FBXO28: variants seen among roughly 807,000 people sequenced by gnomAD.
The protein encoded by FBXO28 is F-box protein 28, also known as F-box only protein 28.
FBXO28 carries 8 observed loss-of-function variants against 38.1 expected under a neutral mutation model. That is an observed-to-expected ratio of 0.21 (90% CI 0.12 to 0.38). The LOEUF is 0.38. Ranked by LOEUF, FBXO28 falls within the 10% of genes least tolerant of loss-of-function variation. The pLI is 1.00. For synonymous variants in FBXO28, 168 were observed against 173.8 expected (o/e 0.97, Z 0.26); for missense variants, 345 against 460.6 (o/e 0.75, Z 2.30).
rs1656582841 is a variant in FBXO28, at chr1:224,114,152, G to C, written c.23G>C (p.Arg8Pro). The C allele has an allele frequency of 2.6e-6, 4 of 1,544,508 alleles. No individual in the cohort carries two copies. The highest frequency in any genetic ancestry group is 3.5e-6 in the Non-Finnish European group (4 of 1,144,532). MAAAAEERMAEEGGGGQG... is the reference protein window; with the variant it reads MAAAAEEPMAEEGGGGQG... ...AAGATGGCGGCAGCGGCGGAGGAGC[G>C]GATGGCAGAGGAAGGAGGCGGCGGC... Residue 8 changes from arginine to proline, a missense_variant, in exon 1 of 5, where the codon CGG becomes CCG. By Grantham distance (103) the Arg-to-Pro change is moderately radical. Transcript: ENST00000366862.
At chr1:224,143,980 T>C (rs1010654210) in intron 3 of FBXO28, among the ~76,000 whole-genome samples, 1 of 142,626 alleles carries the variant, frequency 7.0e-6, no homozygotes, top group African/African-American at 2.7e-5. Context: ...TGAAACCCCA[T>C]CCTCTACTAA....
chr1:224,134,107 T>C lies in FBXO28; in HGVS notation c.411T>C (p.Ala137=). ...CAGAAAGGAGAAACCATTCATTAGC[T>C]CGTCATGCAGACATTCTTGCTGCTG... is the stretch of plus-strand genomic sequence containing the variant. ...RESERRNHSL[A]RHADILAAVE... is the part of the protein sequence containing the mutation. The change falls in exon 3 of 5, where the codon GCT becomes GCC. Residue 137 remains alanine (A), a synonymous_variant. Coordinates refer to ENST00000366862, the MANE Select transcript of FBXO28 (RefSeq NM_015176.4). 1 of 1,600,252 alleles carries C rather than the reference T, an allele frequency of 6.2e-7. No homozygotes were observed. Among genetic ancestry groups the C allele is most frequent in the Non-Finnish European group, 8.5e-7 (1 of 1,173,858 alleles).
chr1:224,141,056 C>A (rs1657334668), intron 3 of FBXO28, among the ~76,000 whole-genome samples: 1 of 151,940 alleles, frequency 6.6e-6, no homozygotes, highest in Non-Finnish European at 1.5e-5. Flanking sequence ...GTGGCAAACA[C>A]CTGTTGTCCC....
intron 1 of FBXO28, among the ~76,000 whole-genome samples, chr1:224,117,836 C>T (rs533272915): frequency 6.6e-6 from 1 of 151,782 alleles, no homozygotes; most frequent in South Asian, 2.1e-4. Context: ...GGTGAAACCC[C>T]ATCTCTACCA....
chr1:224,138,629 A>G (rs1379831029), intron 3 of FBXO28, among the ~76,000 whole-genome samples: 1 of 152,004 alleles, frequency 6.6e-6, no homozygotes, highest in Non-Finnish European at 1.5e-5. Context: ...AGCAGTTCAC[A>G]TATACTGACA....
intron 3 of FBXO28, among the ~76,000 whole-genome samples, chr1:224,142,375 G>T (rs574620951): frequency 3.3e-5 from 5 of 152,064 alleles, no homozygotes; most frequent in Non-Finnish European, 7.4e-5. Flanking sequence ...GGGGGGACAG[G>T]CATGGTGGCT....
intron 1 of FBXO28, among the ~76,000 whole-genome samples, chr1:224,123,540 A>G (rs894333406): frequency 2.0e-5 from 3 of 151,666 alleles, no homozygotes; most frequent in African/African-American, 4.8e-5. Context: ...AAATCAGTGC[A>G]TCTTGATCAA....
Position 224,157,655 on chromosome 1 carries a change from G to C in FBXO28, c.1016G>C (p.Gly339Ala). The C allele has an allele frequency of 6.2e-7, 1 of 1,614,224 alleles. No individual in the cohort carries two copies. The highest frequency in any genetic ancestry group is 8.5e-7 in the Non-Finnish European group (1 of 1,180,036). ...ESAVGNSSGSGQNEESPRKRK... is the reference protein window; with the variant it reads ...ESAVGNSSGSAQNEESPRKRK... The stretch of plus-strand genomic sequence containing the variant: ...GCTGTAGGAAATTCCTCAGGGTCCG[G>C]GCAGAATGAGGAGTCTCCTCGGAAA... Residue 339 changes from glycine to alanine, a missense_variant, in exon 5 of 5, where the codon GGG becomes GCG. Gly to Ala is a moderately conservative substitution (Grantham distance 60, BLOSUM62 0). Transcript: ENST00000366862.
chr1:224,124,410 G>A (rs6426136), intron 1 of FBXO28, among the ~76,000 whole-genome samples: 152,013 of 152,318 alleles, frequency 1, 75,856 homozygotes, highest in Middle Eastern at 1. Context: ...TTTTTGACAT[G>A]GTCATCATCT....
At chr1:224,122,923 A>G (rs865781616) in intron 1 of FBXO28, among the ~76,000 whole-genome samples, 2 of 152,182 alleles carry the variant, frequency 1.3e-5, no homozygotes, top group Non-Finnish European at 2.9e-5. Flanking sequence ...AATTTGAAAT[A>G]AATAGGATAA....
At chr1:224,151,717 C>T (rs573196095) in intron 3 of FBXO28, among the ~76,000 whole-genome samples, 1 of 152,078 alleles carries the variant, frequency 6.6e-6, no homozygotes. Context: ...GTTAAGGGCC[C>T]ATAGATGTCA....
chr1:224,146,638 A>C (rs1240513910), intron 3 of FBXO28, among the ~76,000 whole-genome samples: 1 of 151,986 alleles, frequency 6.6e-6, no homozygotes, highest in Non-Finnish European at 1.5e-5. Flanking sequence ...TGGCCTCTCA[A>C]AGTGCTGAGA....
chr1:224,157,281 T>A (rs557030666), intron 4 of FBXO28, 71 bp from the exon 5 acceptor site: 4 of 1,496,346 alleles, frequency 2.7e-6, no homozygotes, highest in African/African-American at 1.4e-5. Context: ...ATTCCATTTT[T>A]AAATAAGTGT....
At chr1:224,154,953 GGGC>G (rs1170665166) in intron 4 of FBXO28, among the ~76,000 whole-genome samples, 6 of 149,092 alleles carry the variant, frequency 4.0e-5, no homozygotes, top group Non-Finnish European at 8.9e-5. Flanking sequence ...ACTCCAGCCT[GGGC>G]AACAGAGTGA....
chr1:224,157,923 A>G lies in FBXO28; in HGVS notation c.*177A>G. 7.1e-7 allele frequency: 1 copy of G among 1,409,928 alleles called. No individual in the cohort carries two copies. The highest frequency in any genetic ancestry group is 9.2e-7 in the Non-Finnish European group (1 of 1,089,256). 87.3% of individuals were successfully genotyped at this position (1,409,928 alleles called of 1,614,324 possible). A position where few individuals can be genotyped will look rare whatever the true frequency, so the allele number is the denominator to read the frequency against. Reference sequence around the variant, plus strand: ...TTTCCTGCTTCTCCTGATTGAACTGATGCACAGAATCTTTTTACTTTGCAA... The same window carrying G: ...TTTCCTGCTTCTCCTGATTGAACTGGTGCACAGAATCTTTTTACTTTGCAA... On this transcript the variant is annotated 3_prime_UTR_variant, in exon 5 of 5. Transcript: ENST00000366862.
intron 3 of FBXO28, among the ~76,000 whole-genome samples, chr1:224,135,625 A>AG (rs11459239): frequency 0.38 from 44,581 of 118,622 alleles, 8,666 homozygotes; most frequent in Non-Finnish European, 0.47. Context: ...AAAAAAAAAA[A>AG]AAAAAAAAAA....
intron 3 of FBXO28, among the ~76,000 whole-genome samples, chr1:224,145,033 G>T (rs1657464793): frequency 6.6e-6 from 1 of 151,908 alleles, no homozygotes; most frequent in South Asian, 2.1e-4. Context: ...TATAATCCTA[G>T]CACTTTGGGA....
intron 2 of FBXO28, among the ~76,000 whole-genome samples, chr1:224,132,209 G>A (rs906204200): frequency 2.6e-5 from 4 of 152,090 alleles, no homozygotes; most frequent in East Asian, 1.9e-4. Flanking sequence ...CCAAGATCGC[G>A]CCACAGCACT....
chr1:224,158,171 CT>C lies in FBXO28; in HGVS notation c.*435del, dbSNP rs3835627. On this transcript the variant is annotated 3_prime_UTR_variant, in exon 5 of 5. Transcript: ENST00000366862. Reference sequence around the variant, plus strand: ...TTTTTAAATGGACACTATCTTGGTTCTTTTTTTTTTAAGTCATCTTTTTGTT... The same window carrying C: ...TTTTTAAATGGACACTATCTTGGTTCTTTTTTTTTAAGTCATCTTTTTGTT... 9.7e-4 allele frequency: 878 copies of C among 909,338 alleles called. 2 individuals are homozygous for C. Among genetic ancestry groups the C allele is most frequent in the Admixed American group, 7.8e-3 (125 of 15,984 alleles). 56.3% of individuals were successfully genotyped at this position (909,338 alleles called of 1,614,324 possible).
Sources: gnomAD v4.1 joint callset for allele counts (sites outside exome capture counted in the v4.1 genomes callset) on GRCh38, gnomAD v4.1.1 for gene constraint, MANE v1.5 for transcripts, NCBI Gene and HGNC (gene_info 2026-07-23, HGNC 2026-07-21) for gene names.